Variants in RBFOX1 observed in about 807,000 individuals in gnomAD.
RBFOX1 encodes RNA binding protein fox-1 homolog 1.
A neutral mutation model predicts 57.7 loss-of-function variants in RBFOX1; 8 were observed. The ratio of observed to expected loss-of-function variants is 0.14; its 90% CI spans 0.08 to 0.25. The LOEUF (loss-of-function observed/expected upper bound fraction) is 0.25, where lower values mean the gene tolerates loss of function less well. Ranked by LOEUF, RBFOX1 falls within the 10% of genes least tolerant of loss-of-function variation. The pLI is 1.00. For synonymous variants in RBFOX1, 326 were observed against 222.4 expected (o/e 1.47, Z -4.15); for missense variants, 611 against 548.5 (o/e 1.11, Z -1.14).
chr16:7,001,624 T>C (rs1313256945), intron 3 of RBFOX1, among the ~76,000 whole-genome samples: 4 of 151,884 alleles, frequency 2.6e-5, no homozygotes, highest in Non-Finnish European at 5.9e-5. Context: ...ACCCTGCTAA[T>C]TTTTGTATTT....
At chr16:5,733,325 T>A (rs2052451488) in intron 3 of RBFOX1, among the ~76,000 whole-genome samples, 1 of 152,138 alleles carries the variant, frequency 6.6e-6, no homozygotes, top group Non-Finnish European at 1.5e-5. Flanking sequence ...GTGGGTGGAC[T>A]CATCCCTCAT....
chr16:6,763,402 C>T (rs1411633091), intron 3 of RBFOX1, among the ~76,000 whole-genome samples: 1 of 152,212 alleles, frequency 6.6e-6, no homozygotes, highest in Non-Finnish European at 1.5e-5. Flanking sequence ...TTGTTTGGCA[C>T]AACCATTCAA....
rs1034931109 is a variant in RBFOX1 at position 5,674,300 on chromosome 16, A to G, written c.318+75339A>G. On this transcript the variant is annotated intron_variant, in intron 3 of 19. Transcript: ENST00000641259. The stretch of plus-strand genomic sequence containing the variant: ...GAGAAGCTGTTTCTGAGTAACAAAG[A>G]CTTGAAGGATGAATATGACTTTTAT... 4.6e-5 allele frequency among the ~76,000 whole-genome samples: 7 copies of G among 152,228 alleles called. 1 individual carries two copies. The South Asian group carries it at 1.2e-3, about 27-fold the overall frequency.
intron 4 of RBFOX1, among the ~76,000 whole-genome samples, chr16:7,160,870 G>A (rs984466283): frequency 3.6e-5 from 5 of 138,586 alleles, no homozygotes; most frequent in East Asian, 2.1e-4. Context: ...CTTTTTCTTC[G>A]TTCAATCTTG....
At chr16:7,075,131 G>A (rs76570020) in intron 4 of RBFOX1, among the ~76,000 whole-genome samples, 2,978 of 152,318 alleles carry the variant, frequency 0.02, 102 homozygotes, top group African/African-American at 0.067. Context: ...GGCTGAGGCT[G>A]TGCAGTTGAT....
At chr16:7,145,606 C>T (rs535922658) in intron 4 of RBFOX1, among the ~76,000 whole-genome samples, 4 of 152,024 alleles carry the variant, frequency 2.6e-5, no homozygotes, top group Non-Finnish European at 4.4e-5. Context: ...TTACCCCTCT[C>T]GGTTATGTTA....
In RBFOX1 at chr16:5,403,074, G is replaced by GTA. The variant is rs1567455707; in HGVS notation, c.220-64142_220-64141insTA. ...TGTCATAAAACCCTTACTACGGGCG[G>GTA]GGCATGGTGACTCATGCCTATAATC... On this transcript the variant is annotated intron_variant, in intron 1 of 2. Transcript: ENST00000585867. 1.7e-3 allele frequency among the ~76,000 whole-genome samples: 252 copies of GTA among 152,134 alleles called. 2 individuals are homozygous for GTA. The highest frequency in any genetic ancestry group is 5.5e-3 in the African/African-American group (229 of 41,530).
chr16:7,341,637 C>A (rs2096892594), intron 4 of RBFOX1, among the ~76,000 whole-genome samples: 1 of 152,146 alleles, frequency 6.6e-6, no homozygotes. Flanking sequence ...TGGCTTCCTA[C>A]AGAGAGATAC....
chr16:5,687,081 A>C (rs569895783), intron 3 of RBFOX1, among the ~76,000 whole-genome samples: 1 of 152,340 alleles, frequency 6.6e-6, no homozygotes, highest in East Asian at 1.9e-4. Flanking sequence ...TAAGGAGTTA[A>C]TATGAGCCAA....
At chr16:7,449,028 C>G (rs2098831004) in intron 4 of RBFOX1, among the ~76,000 whole-genome samples, 2 of 148,544 alleles carry the variant, frequency 1.3e-5, no homozygotes, top group African/African-American at 5.0e-5. Flanking sequence ...CTCCCGGGTT[C>G]AAACGATTTT....
At chr16:6,653,125 G>T (rs752690045) in intron 2 of RBFOX1, among the ~76,000 whole-genome samples, 47 of 152,146 alleles carry the variant, frequency 3.1e-4, no homozygotes, top group East Asian at 9.7e-4. Context: ...CTCTTCCCCA[G>T]TGGGCTACTT....
chr16:5,895,311 A>C (rs1340754071), intron 4 of RBFOX1, among the ~76,000 whole-genome samples: 1 of 152,224 alleles, frequency 6.6e-6, no homozygotes, highest in Non-Finnish European at 1.5e-5. Flanking sequence ...ACTTGTAGAA[A>C]ATCCCAGGAA....
intron 4 of RBFOX1, among the ~76,000 whole-genome samples, chr16:7,217,330 C>G (rs1231429257): frequency 2.6e-5 from 3 of 115,772 alleles, no homozygotes; most frequent in Non-Finnish European, 5.0e-5. Flanking sequence ...GGAGTTTTGC[C>G]AAGTTGGCTA....
chr16:5,470,497 A>G (rs1285743558), intron 2 of RBFOX1, among the ~76,000 whole-genome samples: 1 of 151,662 alleles, frequency 6.6e-6, no homozygotes, highest in Non-Finnish European at 1.5e-5. Flanking sequence ...GTCTCTCTCA[A>G]TCTCTATTTA....
intron 3 of RBFOX1, among the ~76,000 whole-genome samples, chr16:5,727,271 CA>C (rs141061274): frequency 2.7e-4 from 41 of 150,090 alleles, no homozygotes; most frequent in African/African-American, 9.3e-4. Context: ...GACTTTGTCT[CA>C]AAAAAAAATG....
In RBFOX1 at chr16:6,204,833, C is replaced by A. The variant is rs553171444; in HGVS notation, c.-126-112162C>A. Among the ~76,000 whole-genome samples, 3 of 152,124 alleles carry A rather than the reference C, an allele frequency of 2.0e-5. No homozygotes were observed. In the South Asian group the frequency reaches 6.2e-4, roughly 32 times the overall value. The stretch of plus-strand genomic sequence containing the variant: ...TGCCTGCATGTGTGTTCCTCATAAA[C>A]CCGTAGCTTTCTGCAAAAAGGGCAT... On this transcript the variant is annotated intron_variant, in intron 1 of 15. Transcript: ENST00000550418.
chr16:7,168,141 G>T (rs919950068), intron 4 of RBFOX1, among the ~76,000 whole-genome samples: 4 of 152,172 alleles, frequency 2.6e-5, no homozygotes, highest in African/African-American at 9.7e-5. Context: ...TGTTGAATCA[G>T]TCAGCATTAA....
chr16:5,946,874 T>C lies in RBFOX1; in HGVS notation c.351+79539T>C, dbSNP rs1388129012. Among the ~76,000 whole-genome samples, 1 of 152,102 alleles carries C rather than the reference T, an allele frequency of 6.6e-6. No individual in the cohort carries two copies. Among genetic ancestry groups the C allele is most frequent in the Non-Finnish European group, 1.5e-5 (1 of 68,018 alleles). ...GGTGTGAAATAAAACCCAACACATATGAGTGTAGAGGTATGCTGCTTGAGT... is the reference window on the plus strand; with the variant it reads ...GGTGTGAAATAAAACCCAACACATACGAGTGTAGAGGTATGCTGCTTGAGT... On this transcript the variant is annotated intron_variant, in intron 4 of 19. Transcript: ENST00000641259. This position sits in a 1 kb window ranked among gnomAD's most constrained non-coding sequence, Gnocchi z 4.6.
intron 3 of RBFOX1, among the ~76,000 whole-genome samples, chr16:6,655,412 G>C (rs1467004552): frequency 5.8e-5 from 5 of 86,684 alleles, no homozygotes; most frequent in Admixed American, 4.0e-4. Flanking sequence ...AAGAGCTCGC[G>C]CTCAATTTCC....
Sources: gnomAD v4.1 joint callset for allele counts (sites outside exome capture counted in the v4.1 genomes callset) on GRCh38, gnomAD v4.1.1 for gene constraint, Gnocchi (gnomAD v3.1) non-coding constraint, MANE v1.5 for transcripts, NCBI Gene and HGNC (gene_info 2026-07-23, HGNC 2026-07-21) for gene names.